Variants in RAB3GAP1 observed in about 807,000 individuals in gnomAD.
RAB3GAP1 encodes the protein rab3 GTPase-activating protein catalytic subunit.
Under a neutral mutation model 130.7 loss-of-function variants are expected in RAB3GAP1, and 86 were observed. The ratio of observed to expected loss-of-function variants is 0.66; its 90% CI spans 0.55 to 0.79. The LOEUF is 0.79. Among genes scored for constraint, RAB3GAP1 ranks in the 30% least tolerant of loss-of-function variants. The pLI, the probability that RAB3GAP1 is intolerant of heterozygous loss-of-function variation, is 0.00. For missense variants in RAB3GAP1, 1,029 were observed against 1,169.4 expected, an observed-to-expected ratio of 0.88 and a Z score of 1.75; for synonymous variants, 367 against 401.7, an observed-to-expected ratio of 0.91 and a Z score of 1.03.
At chr2:135,109,455 C>T (rs932290021) in intron 5 of RAB3GAP1, among the ~76,000 whole-genome samples, 2 of 151,848 alleles carry the variant, frequency 1.3e-5, no homozygotes, top group African/African-American at 4.8e-5. Flanking sequence ...ACTGTACATA[C>T]ACCTTTTTGC....
rs557091081 is a variant in RAB3GAP1 at position 135,163,075 on chromosome 2, G to C, written c.2580G>C (p.Gln860His). The change falls in exon 22 of 24, where the codon CAG (glutamine) becomes CAC (histidine). Residue 860 changes from glutamine (Q) to histidine (H), a missense_variant. By Grantham distance (24) the Gln-to-His change is conservative. Around this residue, in one of 3 missense-constraint regions of RAB3GAP1, gnomAD observed 373 missense variants for 493.6 expected, o/e 0.76. Transcript: ENST00000264158. ...AGTTTGGAACTGAGAAATGTGAACA[G>C]GAGGAGGAAAAGGAAGATCTTGAAA... ...KAKFGTEKCE[Q>H]EEEKEDLERF... The C allele has an allele frequency of 2.0e-5, 33 of 1,613,518 alleles. No homozygotes were observed. The highest frequency in any genetic ancestry group is 3.3e-5 in the Admixed American group (2 of 60,022).
At chr2:135,095,295 G>A (rs1486975882) in intron 5 of RAB3GAP1, among the ~76,000 whole-genome samples, 2 of 152,138 alleles carry the variant, frequency 1.3e-5, no homozygotes, top group African/African-American at 4.8e-5. Flanking sequence ...TGATCCGCCC[G>A]CCTCGGCCTC....
chr2:135,103,190 C>A (rs1428762998), intron 5 of RAB3GAP1, among the ~76,000 whole-genome samples: 2 of 151,674 alleles, frequency 1.3e-5, no homozygotes, highest in African/African-American at 4.8e-5. Flanking sequence ...GCATATGCCA[C>A]CAAGCCTGGC....
At chr2:135,057,909 G>A in intron 2 of RAB3GAP1, 102 bp from the exon 3 acceptor site, 1 of 861,790 alleles carries the variant, frequency 1.2e-6, no homozygotes. Flanking sequence ...GTCCTCTCTG[G>A]TCAAATTGTT....
intron 8 of RAB3GAP1, among the ~76,000 whole-genome samples, chr2:135,123,397 CTA>C: frequency 6.6e-6 from 1 of 152,192 alleles, no homozygotes; most frequent in East Asian, 1.9e-4. Flanking sequence ...TATTTGATGA[CTA>C]ATTTTAATCA....
At chr2:135,157,490 A>G (rs1692343272) in intron 19 of RAB3GAP1, among the ~76,000 whole-genome samples, 1 of 152,182 alleles carries the variant, frequency 6.6e-6, no homozygotes, top group African/African-American at 2.4e-5. Flanking sequence ...TCGACACATC[A>G]AATGTGTTTG....
In RAB3GAP1 at chr2:135,120,832, C is replaced by T; in HGVS notation, c.662C>T (p.Thr221Ile). 6.2e-7 allele frequency: 1 copy of T among 1,608,102 alleles called. No homozygotes were observed. The highest frequency in any genetic ancestry group is 8.5e-7 in the Non-Finnish European group (1 of 1,174,562). Residue 221 changes from threonine (T) to isoleucine (I), a missense_variant, in exon 8 of 24, where the codon ACT becomes ATT. Physicochemically the swap from Thr to Ile is moderately conservative, Grantham distance 89. This residue lies in a region of RAB3GAP1 where 510 missense variants were observed against 532.1 expected (regional missense o/e 0.96). Coordinates refer to ENST00000264158, the MANE Select transcript of RAB3GAP1 (RefSeq NM_012233.3). The stretch of plus-strand genomic sequence containing the variant: ...TGTATTTCCTAGGGATGTCCTTTAA[C>T]TCCATTGCCTCCAGTTAGTATTGCT... The part of the protein sequence containing the change: ...IFKSKIGCPL[T>I]PLPPVSIAIR...
chr2:135,080,483 ACTG>A (rs1375843044), intron 3 of RAB3GAP1, among the ~76,000 whole-genome samples: 1 of 152,182 alleles, frequency 6.6e-6, no homozygotes, highest in Non-Finnish European at 1.5e-5. Context: ...ATAGATTTTG[ACTG>A]CTAAGGTAGG....
chr2:135,120,478 A>G lies in RAB3GAP1; in HGVS notation c.649-341A>G, dbSNP rs1374265611. Reference sequence around the variant, plus strand: ...CCATTTTTTAAAATTCAGTCTCACAATTGCCACTGCTGTTCCTTACTATGG... The same window carrying G: ...CCATTTTTTAAAATTCAGTCTCACAGTTGCCACTGCTGTTCCTTACTATGG... On this transcript the variant is annotated intron_variant, in intron 7 of 23. Coordinates refer to ENST00000264158, the MANE Select transcript of RAB3GAP1 (RefSeq NM_012233.3). 3.9e-5 allele frequency among the ~76,000 whole-genome samples: 6 copies of G among 152,330 alleles called. 1 individual carries two copies. The highest frequency in any genetic ancestry group is 4.1e-4 in the South Asian group (2 of 4,828).
intron 19 of RAB3GAP1, among the ~76,000 whole-genome samples, chr2:135,160,450 T>A (rs1692434219): frequency 6.6e-6 from 1 of 151,946 alleles, no homozygotes; most frequent in Admixed American, 6.6e-5. Context: ...GGTAGGTGGA[T>A]AATTTGAGGT....
At position 135,088,931 on chromosome 2, in the gene RAB3GAP1, A is replaced by G. The variant is rs112822694; in HGVS notation, c.151-2067A>G. On this transcript the variant is annotated intron_variant, in intron 3 of 23. Coordinates refer to ENST00000264158, the MANE Select transcript of RAB3GAP1 (RefSeq NM_012233.3). ...TAGTTTAATTAGATCCCATTTGTCA[A>G]TTTTGGTGTTTGTTGCCATTGCTTT... Among the ~76,000 whole-genome samples, 27 of 152,124 alleles carry G rather than the reference A, an allele frequency of 1.8e-4. 1 individual carries two copies. The East Asian group carries it at 3.9e-3, about 22-fold the overall frequency.
chr2:135,056,480 C>T (rs1212906828), intron 2 of RAB3GAP1, among the ~76,000 whole-genome samples: 2 of 152,162 alleles, frequency 1.3e-5, no homozygotes, highest in African/African-American at 2.4e-5. Context: ...TGGGATTACA[C>T]GCGTGAGCCG....
intron 23 of RAB3GAP1, among the ~76,000 whole-genome samples, chr2:135,166,133 C>T (rs1306955942): frequency 6.6e-6 from 1 of 150,710 alleles, no homozygotes; most frequent in Non-Finnish European, 1.5e-5. Context: ...GATCATGCCA[C>T]TGCACTCCGG....
At chr2:135,083,607 A>G (rs1324725083) in intron 3 of RAB3GAP1, among the ~76,000 whole-genome samples, 2 of 151,752 alleles carry the variant, frequency 1.3e-5, no homozygotes, top group African/African-American at 2.4e-5. Flanking sequence ...AACTATAGGC[A>G]TGTACCAACA....
chr2:135,162,531 T>C (rs1692493728), intron 19 of RAB3GAP1, 24 bp from the exon 20 acceptor site: 1 of 1,585,170 alleles, frequency 6.3e-7, no homozygotes, highest in Non-Finnish European at 8.7e-7. Flanking sequence ...CGCTGATCAT[T>C]TGTGTGCGCT....
In RAB3GAP1 at chr2:135,135,761, AT is replaced by A. The variant is rs764464372; in HGVS notation, c.1758del (p.Phe586LeufsTer4). The A allele has an allele frequency of 1.7e-5, 28 of 1,613,984 alleles. No individual in the cohort carries two copies. The highest frequency in any genetic ancestry group is 8.5e-7 in the Non-Finnish European group (1 of 1,180,000). On this transcript the variant is annotated frameshift_variant, in exon 17 of 24. Coordinates refer to ENST00000264158, the MANE Select transcript of RAB3GAP1 (RefSeq NM_012233.3). LOFTEE classifies it high-confidence loss of function. ...WDSWSDSEEE[F>X]FECLSDTEEL... is the part of the protein sequence containing the mutation. ...ATTCCTGGAGTGACAGCGAAGAAGA[AT>A]TTTTTGAATGCCTAAGTGATACTGA...
chr2:135,091,935 A>G (rs944383281), intron 4 of RAB3GAP1, among the ~76,000 whole-genome samples: 1 of 152,224 alleles, frequency 6.6e-6, no homozygotes, highest in Non-Finnish European at 1.5e-5. Flanking sequence ...ATAAATAGGT[A>G]GAATGTGTTA....
At chr2:135,062,393 T>C (rs1277941006) in intron 3 of RAB3GAP1, among the ~76,000 whole-genome samples, 1 of 152,254 alleles carries the variant, frequency 6.6e-6, no homozygotes, top group Non-Finnish European at 1.5e-5. Context: ...TATCCAGATA[T>C]TGCCAAATGC....
chr2:135,079,223 T>G (rs1410809797), intron 3 of RAB3GAP1, among the ~76,000 whole-genome samples: 1 of 152,170 alleles, frequency 6.6e-6, no homozygotes, highest in Non-Finnish European at 1.5e-5. Context: ...TGGGCTCCAG[T>G]GATCCTCCCA....
Sources: allele counts gnomAD v4.1 joint callset (sites outside exome capture counted in the v4.1 genomes callset), GRCh38; gene constraint gnomAD v4.1.1; regional missense constraint gnomAD v4.1.1; transcripts MANE v1.5; gene names NCBI Gene and HGNC (gene_info 2026-07-23, HGNC 2026-07-21).